Variants in RAB11FIP1 observed in about 807,000 individuals in gnomAD.
RAB11FIP1 encodes rab11 family-interacting protein 1.
RAB11FIP1 carries 49 observed loss-of-function variants against 83.1 expected under a neutral mutation model. The observed-to-expected ratio is 0.59, with a 90% confidence interval of 0.47 to 0.75. The LOEUF is 0.75. Among genes scored for constraint, RAB11FIP1 ranks in the 30% least tolerant of loss-of-function variants. RAB11FIP1 has a pLI of 0.00. For missense variants in RAB11FIP1, 1,536 were observed against 1,598.7 expected (o/e 0.96, Z 0.67); for synonymous variants, 670 against 656.0 (o/e 1.02, Z -0.33).
rs1437247757 is a variant in RAB11FIP1, at chr8:37,872,595, C to T, written c.2207G>A (p.Gly736Glu). The change falls in exon 4 of 6, where the codon GGA (glycine) becomes GAA (glutamate). Residue 736 changes from glycine to glutamate, a missense_variant. Physicochemically the swap from Gly to Glu is moderately conservative, Grantham distance 98 (BLOSUM62 -2). Transcript: ENST00000330843. Reference protein sequence around the residue: ...VPFALSLSSDGAVSPVGELAA... With the variant: ...VPFALSLSSDEAVSPVGELAA... ...AAGCTCCCCAACAGGGCTCACAGCT[C>T]CATCACTGCTGAGTGAAAGGGCAAA... is the stretch of plus-strand genomic sequence containing the variant. The T allele has an allele frequency of 6.2e-7, 1 of 1,614,202 alleles. No homozygotes were observed. Among genetic ancestry groups the T allele is most frequent in the Admixed American group, 1.7e-5 (1 of 60,028 alleles).
In RAB11FIP1 at chr8:37,874,784, T is replaced by C; in HGVS notation, c.1353A>G (p.Glu451=). Residue 451 remains glutamate (E), a synonymous_variant, in exon 3 of 6, where the codon GAA becomes GAG. Coordinates refer to ENST00000330843, the MANE Select transcript of RAB11FIP1 (RefSeq NM_001002814.3). ...TGKKDVAKGS[E]GENPLTVPGR... is the part of the protein sequence containing the mutation. ...CTGGGACCGTGAGAGGGTTTTCACC[T>C]TCACTGCCCTTAGCCACATCCTTCT... The C allele has an allele frequency of 6.2e-7, 1 of 1,614,150 alleles. No individual in the cohort carries two copies. The highest frequency in any genetic ancestry group is 1.3e-5 in the African/African-American group (1 of 75,044).
intron 1 of RAB11FIP1, among the ~76,000 whole-genome samples, chr8:37,898,010 T>G (rs777693839): frequency 1.3e-5 from 2 of 152,224 alleles, no homozygotes; most frequent in Non-Finnish European, 2.9e-5. Context: ...TCCTCTGCCC[T>G]GCGCCCTGGC....
intron 3 of RAB11FIP1, among the ~76,000 whole-genome samples, chr8:37,874,175 C>T (rs1806549104): frequency 6.6e-6 from 1 of 152,238 alleles, no homozygotes; most frequent in Non-Finnish European, 1.5e-5. Context: ...TTCGAAAACA[C>T]AGGTTCTGCA....
intron 1 of RAB11FIP1, among the ~76,000 whole-genome samples, chr8:37,896,180 GGTGCCT>G (rs1362009458): frequency 1.3e-5 from 2 of 151,790 alleles, no homozygotes; most frequent in Non-Finnish European, 2.9e-5. Flanking sequence ...CATGGTGGCG[GGTGCCT>G]GTAATCCCAG....
chr8:37,892,312 CCATTT>C (rs1198429330), intron 1 of RAB11FIP1, among the ~76,000 whole-genome samples: 1 of 152,138 alleles, frequency 6.6e-6, no homozygotes, highest in East Asian at 1.9e-4. Context: ...CAACAGCCTC[CCATTT>C]TGTCTGTCCA....
At chr8:37,894,100 G>T (rs929112212) in intron 1 of RAB11FIP1, among the ~76,000 whole-genome samples, 1 of 152,062 alleles carries the variant, frequency 6.6e-6, no homozygotes, top group Non-Finnish European at 1.5e-5. Context: ...GACCTGGGGA[G>T]GTTTCCAGTA....
chr8:37,883,162 T>C (rs1806760542), intron 1 of RAB11FIP1, among the ~76,000 whole-genome samples: 1 of 152,104 alleles, frequency 6.6e-6, no homozygotes, highest in Non-Finnish European at 1.5e-5. Context: ...TGTTTCGTTT[T>C]TTTTTTTTTC....
At chr8:37,881,059 T>TA (rs1219338951) in intron 1 of RAB11FIP1, among the ~76,000 whole-genome samples, 1 of 152,186 alleles carries the variant, frequency 6.6e-6, no homozygotes, top group Non-Finnish European at 1.5e-5. Flanking sequence ...CTTCTACACT[T>TA]AGAGGAAAGG....
At chr8:37,869,716 A>G (rs981953454) in intron 5 of RAB11FIP1, among the ~76,000 whole-genome samples, 1 of 152,212 alleles carries the variant, frequency 6.6e-6, no homozygotes, top group Non-Finnish European at 1.5e-5. Flanking sequence ...TTTAAAAAAA[A>G]TTATGCATAC....
Position 37,872,425 on chromosome 8 carries a change from C to G in RAB11FIP1, c.2377G>C (p.Glu793Gln). Residue 793 changes from glutamate (E) to glutamine (Q), a missense_variant, in exon 4 of 6, where the codon GAG becomes CAG. Physicochemically the swap from Glu to Gln is conservative, Grantham distance 29. Transcript: ENST00000330843. ...SIDSMMRKLE[E>Q]MGLNLRKDQK... ...TCCTTGCGGAGGTTCAGACCCATCT[C>G]TTCCAGCTTCCGCATCATGGAATCA... 1 of 1,614,214 alleles carries G rather than the reference C, an allele frequency of 6.2e-7. No individual in the cohort carries two copies. Among genetic ancestry groups the G allele is most frequent in the Non-Finnish European group, 8.5e-7 (1 of 1,180,040 alleles).
intron 1 of RAB11FIP1, among the ~76,000 whole-genome samples, chr8:37,879,120 C>T (rs905424571): frequency 6.6e-6 from 1 of 152,060 alleles, no homozygotes; most frequent in Non-Finnish European, 1.5e-5. Context: ...CCAGCCTGGC[C>T]AACATGGCGA....
rs1359672510 is a variant in RAB11FIP1, at chr8:37,861,822, CAA to C, written c.*1071_*1072del. On this transcript the variant is annotated 3_prime_UTR_variant, in exon 6 of 6. Coordinates refer to ENST00000330843, the MANE Select transcript of RAB11FIP1 (RefSeq NM_001002814.3). ...CAGGCTGGTCTCGAACTCCTGACCTCAAGTGATCCACCCTCCTCGGCCTTGCA... is the reference window on the plus strand; with the variant it reads ...CAGGCTGGTCTCGAACTCCTGACCTCGTGATCCACCCTCCTCGGCCTTGCA... The C allele has an allele frequency of 3.1e-6, 1 of 319,006 alleles. No homozygotes were observed. The highest frequency in any genetic ancestry group is 6.1e-6 in the Non-Finnish European group (1 of 164,416). 19.8% of individuals were successfully genotyped at this position (319,006 alleles called of 1,614,324 possible).
rs143752122 is a variant in RAB11FIP1, at chr8:37,872,380, G to A, written c.2422C>T (p.Arg808Cys). The change falls in exon 4 of 6, where the codon CGT becomes TGT. Residue 808 changes from arginine (R) to cysteine (C), a missense_variant. By Grantham distance (180) the Arg-to-Cys change is radical. Transcript: ENST00000330843. ...AAGAGCTGCTCAGAAAATGACACACGCTTCTTGGTTTTCTTCTGGTCCTTG... is the reference window on the plus strand; with the variant it reads ...AAGAGCTGCTCAGAAAATGACACACACTTCTTGGTTTTCTTCTGGTCCTTG... ...LRKDQKKTKK[R>C]VSFSEQLFTE... 6.8e-5 allele frequency: 110 copies of A among 1,614,162 alleles called. No homozygotes were observed. In the African/African-American group the frequency reaches 1.3e-3, roughly 19 times the overall value.
intron 1 of RAB11FIP1, among the ~76,000 whole-genome samples, chr8:37,894,670 T>C (rs1807021355): frequency 6.8e-6 from 1 of 147,682 alleles, no homozygotes; most frequent in Non-Finnish European, 1.5e-5. Flanking sequence ...TCCAAAAAGG[T>C]TTTTCATTTT....
intron 1 of RAB11FIP1, among the ~76,000 whole-genome samples, chr8:37,897,015 T>A (rs1303594529): frequency 2.0e-5 from 3 of 152,066 alleles, no homozygotes; most frequent in Non-Finnish European, 4.4e-5. Context: ...ACAGCACCCA[T>A]TTGAAGCTGA....
chr8:37,894,483 G>C (rs1405297699), intron 1 of RAB11FIP1, among the ~76,000 whole-genome samples: 14 of 151,774 alleles, frequency 9.2e-5, no homozygotes, highest in Admixed American at 9.2e-4. Flanking sequence ...AGTTTTAATA[G>C]ATATAAGAAC....
intron 1 of RAB11FIP1, among the ~76,000 whole-genome samples, chr8:37,893,143 C>T (rs1444620569): frequency 6.7e-5 from 10 of 149,706 alleles, no homozygotes; most frequent in African/African-American, 9.9e-5. Context: ...GGAGCAATCT[C>T]GGCTCACTGC....
At chr8:37,870,141 G>C (rs1806421142) in intron 5 of RAB11FIP1, among the ~76,000 whole-genome samples, 1 of 151,092 alleles carries the variant, frequency 6.6e-6, no homozygotes, top group South Asian at 2.1e-4. Context: ...TATTAAGAAG[G>C]AAAATTTTTA....
chr8:37,877,669 C>G, intron 1 of RAB11FIP1, 118 bp from the exon 2 acceptor site: 1 of 589,834 alleles, frequency 1.7e-6, no homozygotes, highest in Non-Finnish European at 3.0e-6. Context: ...TGCATGCATT[C>G]TCATGCTTTC....
Sources: allele counts gnomAD v4.1 joint callset (sites outside exome capture counted in the v4.1 genomes callset), GRCh38; gene constraint gnomAD v4.1.1; transcripts MANE v1.5; gene names NCBI Gene and HGNC (gene_info 2026-07-23, HGNC 2026-07-21).